RGS6: variants seen among roughly 807,000 people sequenced by gnomAD.
RGS6 encodes the protein regulator of G protein signaling 6.
In RGS6, 30 loss-of-function variants were observed where a neutral mutation model predicts 78.5. The ratio of observed to expected loss-of-function variants is 0.38; its 90% confidence interval spans 0.29 to 0.52. RGS6 has a LOEUF of 0.52. Among genes scored for constraint, RGS6 ranks in the 20% least tolerant of loss-of-function variants. The probability of loss-of-function intolerance (pLI) is 0.85; values close to 1 mark genes in which losing one functional copy is unlikely to be tolerated. For synonymous variants in RGS6, 206 were observed against 206.0 expected, an observed-to-expected ratio of 1.00 and a Z score of 0.00; for missense variants, 495 against 609.7, an observed-to-expected ratio of 0.81 and a Z score of 1.98.
Position 72,081,916 on chromosome 14 carries a change from C to T in RGS6, c.84+117041C>T, listed in dbSNP as rs569947045. 9.2e-5 allele frequency among the ~76,000 whole-genome samples: 14 copies of T among 151,940 alleles called. 1 individual carries two copies. The highest frequency in any genetic ancestry group is 1.9e-4 in the Non-Finnish European group (13 of 67,954). ...TACAGAAAATAATGCGGAAAGTTCT[C>T]ATTTAGCCCAAGCAGAGAGTTAAAA... is the stretch of plus-strand genomic sequence containing the variant. On this transcript the variant is annotated intron_variant, in intron 2 of 17. Coordinates refer to ENST00000553525, the MANE Select transcript of RGS6 (RefSeq NM_001204424.2).
chr14:71,895,728 T>C, the RGS6 span, among the ~76,000 whole-genome samples: 1 of 152,118 alleles, frequency 6.6e-6, no homozygotes, highest in South Asian at 2.1e-4. Flanking sequence ...GTGCAGTCCT[T>C]AGGGCTAGCA....
intron 2 of RGS6, among the ~76,000 whole-genome samples, chr14:72,006,250 A>G (rs1567004355): frequency 6.6e-6 from 1 of 152,120 alleles, no homozygotes; most frequent in East Asian, 1.9e-4. Flanking sequence ...CTCTTATTAA[A>G]TCTTATTTTA....
At chr14:72,312,441 G>A (rs377187941) in intron 2 of RGS6, among the ~76,000 whole-genome samples, 5 of 152,054 alleles carry the variant, frequency 3.3e-5, no homozygotes, top group African/African-American at 7.2e-5. Flanking sequence ...CCTTTTCATC[G>A]TTTTATGTCT....
intron 2 of RGS6, among the ~76,000 whole-genome samples, chr14:72,219,641 A>T (rs1195815451): frequency 6.6e-6 from 1 of 152,062 alleles, no homozygotes; most frequent in Non-Finnish European, 1.5e-5. Context: ...ATGTTATGTA[A>T]ATACTTTTTT....
At chr14:72,458,156 A>G (rs1490786176) in intron 4 of RGS6, 115 bp from the exon 5 acceptor site, 9 of 752,822 alleles carry the variant, frequency 1.2e-5, no homozygotes, top group South Asian at 1.8e-5. Context: ...GGGCAATTGT[A>G]TCATCAACAC....
chr14:72,034,690 A>G (rs2091424144), intron 2 of RGS6, among the ~76,000 whole-genome samples: 1 of 152,096 alleles, frequency 6.6e-6, no homozygotes, highest in Admixed American at 6.6e-5. Context: ...TGAGTTTGAA[A>G]ATTTTCCATC....
intron 2 of RGS6, among the ~76,000 whole-genome samples, chr14:72,179,136 C>A (rs1278404114): frequency 1.3e-5 from 2 of 152,140 alleles, no homozygotes; most frequent in Non-Finnish European, 2.9e-5. Context: ...TGAAAATAGA[C>A]CAGTGAGCCC....
At chr14:72,019,447 G>A (rs1209576558) in intron 2 of RGS6, among the ~76,000 whole-genome samples, 1 of 152,156 alleles carries the variant, frequency 6.6e-6, no homozygotes, top group African/African-American at 2.4e-5. Flanking sequence ...TCAGAAATTA[G>A]CAGTTCAGGA....
At chr14:72,589,981 AG>A in the RGS6 span, among the ~76,000 whole-genome samples, 2,216 of 152,322 alleles carry the variant, frequency 0.015, 58 homozygotes, top group East Asian at 0.062. Flanking sequence ...AAGTGGCAAA[AG>A]ATTTGAACAG....
intron 2 of RGS6, among the ~76,000 whole-genome samples, chr14:72,295,277 C>T (rs1356218692): frequency 5.6e-5 from 8 of 143,286 alleles, no homozygotes; most frequent in Non-Finnish European, 7.5e-5. Context: ...GGCGACAGAG[C>T]GAGACTCCGT....
intron 2 of RGS6, among the ~76,000 whole-genome samples, chr14:72,069,119 A>G (rs141341093): frequency 4.1e-3 from 625 of 151,902 alleles, no homozygotes; most frequent in African/African-American, 0.013. Flanking sequence ...TTACAGGTGC[A>G]TGCCACCACG....
At chr14:72,476,526 A>G (rs1018134915) in intron 10 of RGS6, among the ~76,000 whole-genome samples, 1 of 152,258 alleles carries the variant, frequency 6.6e-6, no homozygotes, top group South Asian at 2.1e-4. Flanking sequence ...TTTCAGCCCA[A>G]TAAAAGATAG....
intron 2 of RGS6, among the ~76,000 whole-genome samples, chr14:72,342,046 A>G (rs1243341202): frequency 6.6e-6 from 1 of 152,140 alleles, no homozygotes; most frequent in Non-Finnish European, 1.5e-5. Context: ...GAACTTGAAT[A>G]TTTTTGTAGA....
chr14:72,172,883 A>G (rs138182888), intron 2 of RGS6, among the ~76,000 whole-genome samples: 3 of 152,318 alleles, frequency 2.0e-5, no homozygotes, highest in East Asian at 3.9e-4. Context: ...TGGCTGAGCT[A>G]TGGTGACATT....
At chr14:72,605,873 C>T in the RGS6 span, among the ~76,000 whole-genome samples, 1 of 152,206 alleles carries the variant, frequency 6.6e-6, no homozygotes, top group East Asian at 1.9e-4. Context: ...CTGTGCCCTT[C>T]CCACCATCTA....
chr14:72,128,447 G>T (rs2096248242), intron 2 of RGS6, among the ~76,000 whole-genome samples: 2 of 152,018 alleles, frequency 1.3e-5, no homozygotes, highest in African/African-American at 4.8e-5. Context: ...CTGAATGACT[G>T]CTCAATATAG....
At chr14:72,548,065 T>C (rs1040262951) in intron 17 of RGS6, among the ~76,000 whole-genome samples, 4 of 152,102 alleles carry the variant, frequency 2.6e-5, no homozygotes, top group African/African-American at 7.2e-5. Context: ...ATATTCAGCG[T>C]CTTCATGGCA....
intron 13 of RGS6, among the ~76,000 whole-genome samples, 186 bp from the exon 14 acceptor site, chr14:72,509,968 G>T (rs1278416833): frequency 6.6e-6 from 1 of 152,182 alleles, no homozygotes; most frequent in Non-Finnish European, 1.5e-5. Context: ...GTTCATCATT[G>T]GTTACTGTTG....
At chr14:72,350,677 T>G (rs1465151083) in intron 2 of RGS6, among the ~76,000 whole-genome samples, 3 of 152,286 alleles carry the variant, frequency 2.0e-5, no homozygotes, top group Admixed American at 2.0e-4. Context: ...TGACCTACAC[T>G]AGACATGTAG....
Sources: allele counts gnomAD v4.1 joint callset (sites outside exome capture counted in the v4.1 genomes callset), GRCh38; gene constraint gnomAD v4.1.1; transcripts MANE v1.5; gene names NCBI Gene and HGNC (gene_info 2026-07-23, HGNC 2026-07-21).